Variants in RABGEF1 observed in about 807,000 individuals in gnomAD.
RABGEF1 encodes RAB guanine nucleotide exchange factor 1, also known as rab5 GDP/GTP exchange factor.
Under a neutral mutation model 57.3 loss-of-function variants are expected in RABGEF1, and 26 were observed. The observed-to-expected ratio is 0.45, with a 90% confidence interval of 0.33 to 0.63. The LOEUF (loss-of-function observed/expected upper bound fraction) is 0.63, where lower values mean the gene tolerates loss of function less well. RABGEF1 is among the 20% of genes least tolerant of loss of function. The pLI is 0.02. For synonymous variants in RABGEF1, 185 were observed against 210.7 expected (o/e 0.88, Z 1.06); for missense variants, 464 against 607.6 (o/e 0.76, Z 2.48).
At chr7:66,745,786 A>C (rs1585110516) in intron 1 of RABGEF1, among the ~76,000 whole-genome samples, 2 of 149,472 alleles carry the variant, frequency 1.3e-5, no homozygotes, top group African/African-American at 4.9e-5. Flanking sequence ...AAAAAAAAAA[A>C]GTGATCACAC....
chr7:66,678,390 CCT>C (rs751549470), upstream of RABGEF1, among the ~76,000 whole-genome samples: 6 of 151,732 alleles, frequency 4.0e-5, no homozygotes, highest in African/African-American at 1.4e-4. Flanking sequence ...ACGGTGAAAC[CCT>C]GTTTCTACTA....
At chr7:66,706,840 T>G (rs1794171776) in intron 1 of RABGEF1, among the ~76,000 whole-genome samples, 1 of 148,482 alleles carries the variant, frequency 6.7e-6, no homozygotes, top group South Asian at 2.2e-4. Flanking sequence ...GGACTGCAGT[T>G]TCGCGATCTC....
rs2129175798 is a variant in RABGEF1 at position 66,797,496 on chromosome 7, A to C, written c.718A>C (p.Lys240Gln). The C allele has an allele frequency of 1.2e-6, 2 of 1,608,820 alleles. No individual in the cohort carries two copies. Among genetic ancestry groups the C allele is most frequent in the Non-Finnish European group, 1.7e-6 (2 of 1,178,776 alleles). ...TGAGAAGAAAGATCTTGCCATTCAA[A>C]AGAGAATCAGGTAGTTGCTTATTTT... Reference protein sequence around the residue: ...DDEKKDLAIQKRIRALRWVTP... With the variant: ...DDEKKDLAIQQRIRALRWVTP... The change falls in exon 6 of 9, where the codon AAG (lysine) becomes CAG (glutamine). Residue 240 changes from lysine (K) to glutamine (Q), a missense_variant. Lys to Gln is a moderately conservative substitution (Grantham distance 53, BLOSUM62 1). This residue lies in a region of RABGEF1 where 284 missense variants were observed against 389.9 expected (regional missense o/e 0.73). Transcript: ENST00000284957.
chr7:66,664,475 C>T, the RABGEF1 span, among the ~76,000 whole-genome samples: 5 of 151,290 alleles, frequency 3.3e-5, no homozygotes, highest in Admixed American at 2.0e-4. Context: ...CCCCTGTAGT[C>T]CCAGCTACTC....
chr7:66,789,146 A>G (rs1458449570), intron 4 of RABGEF1, among the ~76,000 whole-genome samples: 1 of 152,208 alleles, frequency 6.6e-6, no homozygotes, highest in Non-Finnish European at 1.5e-5. Flanking sequence ...GTTGTAAACT[A>G]TATATTTAAT....
At chr7:66,734,383 C>T (rs1319253842) in intron 2 of RABGEF1, among the ~76,000 whole-genome samples, 1 of 152,168 alleles carries the variant, frequency 6.6e-6, no homozygotes, top group Non-Finnish European at 1.5e-5. Context: ...AGATGCTCAC[C>T]CTCTTTGAGC....
chr7:66,664,785 T>G, the RABGEF1 span, among the ~76,000 whole-genome samples: 1 of 152,206 alleles, frequency 6.6e-6, no homozygotes, highest in Non-Finnish European at 1.5e-5. Flanking sequence ...TAGCTTCCTG[T>G]CAGGGAGTCA....
intron 1 of RABGEF1, among the ~76,000 whole-genome samples, chr7:66,693,795 C>G (rs1791902566): frequency 6.6e-6 from 1 of 151,542 alleles, no homozygotes; most frequent in Non-Finnish European, 1.5e-5. Context: ...GTTCAGTAAA[C>G]TCTTTCCTTT....
chr7:66,694,382 G>T (rs374348021), intron 1 of RABGEF1, among the ~76,000 whole-genome samples: 1 of 152,228 alleles, frequency 6.6e-6, no homozygotes, highest in African/African-American at 2.4e-5. Context: ...AAGATGGAGC[G>T]AGGATCAGTG....
chr7:66,682,282 T>G (rs933260394), intron 1 of RABGEF1: 1 of 160,874 alleles, frequency 6.2e-6, no homozygotes, highest in African/African-American at 2.4e-5. Context: ...GGACTGGGGC[T>G]AAGAGCTGCG....
At chr7:66,756,040 G>A in intron 1 of RABGEF1, 1 of 1,500,644 alleles carries the variant, frequency 6.7e-7, no homozygotes, top group Non-Finnish European at 8.8e-7. Context: ...ATGCTAATAA[G>A]TCTTTTATTA....
intron 2 of RABGEF1, among the ~76,000 whole-genome samples, chr7:66,724,133 A>G (rs1384492278): frequency 6.6e-6 from 1 of 151,942 alleles, no homozygotes; most frequent in East Asian, 1.9e-4. Context: ...ATAAAGAATT[A>G]TAGGTTAACA....
chr7:66,794,149 A>G (rs1285701557), intron 4 of RABGEF1, among the ~76,000 whole-genome samples: 1 of 150,974 alleles, frequency 6.6e-6, no homozygotes, highest in African/African-American at 2.4e-5. Flanking sequence ...GACATCTTCC[A>G]GGAAAACATT....
At chr7:66,676,559 T>C in the RABGEF1 span, among the ~76,000 whole-genome samples, 1 of 152,194 alleles carries the variant, frequency 6.6e-6, no homozygotes, top group Non-Finnish European at 1.5e-5. Flanking sequence ...TGTTCAAGGG[T>C]GAACTGTATT....
At chr7:66,672,838 C>T in the RABGEF1 span, among the ~76,000 whole-genome samples, 16 of 152,346 alleles carry the variant, frequency 1.1e-4, no homozygotes, top group East Asian at 2.1e-3. Flanking sequence ...CTGGGTTTCC[C>T]CAGTGGGCTA....
intron 4 of RABGEF1, among the ~76,000 whole-genome samples, chr7:66,784,560 G>A (rs555327500): frequency 7.7e-4 from 118 of 152,306 alleles, no homozygotes; most frequent in African/African-American, 2.4e-3. Flanking sequence ...AATTAGCTCT[G>A]AAAGTTCCTT....
the RABGEF1 span, among the ~76,000 whole-genome samples, chr7:66,667,058 A>G: frequency 6.6e-6 from 1 of 152,194 alleles, no homozygotes; most frequent in Non-Finnish European, 1.5e-5. Flanking sequence ...ATTTGGGAGC[A>G]TGCAATTGTC....
intron 1 of RABGEF1, among the ~76,000 whole-genome samples, chr7:66,764,068 G>A (rs1441980391): frequency 6.6e-6 from 1 of 152,184 alleles, no homozygotes; most frequent in Non-Finnish European, 1.5e-5. Flanking sequence ...CACAATGGCT[G>A]TACCATTTTA....
At chr7:66,730,899 G>T (rs1797239911) in intron 2 of RABGEF1, among the ~76,000 whole-genome samples, 1 of 152,292 alleles carries the variant, frequency 6.6e-6, no homozygotes, top group Admixed American at 6.5e-5. Flanking sequence ...GGTAGGCAGG[G>T]GTGGTATAGC....
Sources: gnomAD v4.1 joint callset for allele counts (sites outside exome capture counted in the v4.1 genomes callset) on GRCh38, gnomAD v4.1.1 for gene constraint, gnomAD v4.1.1 regional missense constraint, MANE v1.5 for transcripts, NCBI Gene and HGNC (gene_info 2026-07-23, HGNC 2026-07-21) for gene names.